Variants in MICAL2 observed in about 807,000 individuals in gnomAD.
MICAL2 encodes microtubule associated monooxygenase, calponin and LIM domain containing 2, also known as [F-actin]-monooxygenase MICAL2.
Under a neutral mutation model 127.3 loss-of-function variants are expected in MICAL2, and 77 were observed. That is an observed-to-expected ratio of 0.60 (90% confidence interval 0.50 to 0.73). MICAL2 has a LOEUF of 0.73. Among genes scored for constraint, MICAL2 ranks in the 30% least tolerant of loss-of-function variants. The pLI, the probability that MICAL2 is intolerant of heterozygous loss-of-function variation, is 0.00. For synonymous variants in MICAL2, 570 were observed against 551.1 expected (o/e 1.03, Z -0.48); for missense variants, 1,351 against 1,434.4 (o/e 0.94, Z 0.94).
chr11:12,318,914 A>G (rs1378277443), intron 29 of MICAL2, among the ~76,000 whole-genome samples: 1 of 152,158 alleles, frequency 6.6e-6, no homozygotes, highest in Non-Finnish European at 1.5e-5. Flanking sequence ...AGAGACTGGC[A>G]TATCTCCTCG....
intron 29 of MICAL2, among the ~76,000 whole-genome samples, chr11:12,299,213 G>C (rs1201053259): frequency 6.6e-6 from 1 of 152,072 alleles, no homozygotes; most frequent in Non-Finnish European, 1.5e-5. Context: ...GTGTTCTTAG[G>C]TCAGTATCCT....
chr11:12,206,789 C>T (rs1318302058), intron 4 of MICAL2, among the ~76,000 whole-genome samples: 1 of 152,126 alleles, frequency 6.6e-6, no homozygotes, highest in African/African-American at 2.4e-5. Context: ...CCATTCCTTC[C>T]TCGTGTCTCA....
chr11:12,325,521 G>C (rs1864344899), intron 31 of MICAL2, among the ~76,000 whole-genome samples: 1 of 152,174 alleles, frequency 6.6e-6, no homozygotes. Flanking sequence ...TCATGTTCTG[G>C]AGCTGAGAAG....
intron 32 of MICAL2, among the ~76,000 whole-genome samples, chr11:12,346,393 A>G (rs1389528662): frequency 3.9e-5 from 6 of 152,230 alleles, no homozygotes; most frequent in Non-Finnish European, 5.9e-5. Flanking sequence ...TAGGAAGTCT[A>G]TGATAATTGC....
At chr11:12,338,998 G>A (rs892714116) in intron 32 of MICAL2, among the ~76,000 whole-genome samples, 1 of 152,068 alleles carries the variant, frequency 6.6e-6, no homozygotes, top group Non-Finnish European at 1.5e-5. Flanking sequence ...CTGAATGTTG[G>A]CCTGCCTTGC....
intron 32 of MICAL2, among the ~76,000 whole-genome samples, chr11:12,334,907 A>G (rs548641595): frequency 6.6e-6 from 1 of 152,248 alleles, no homozygotes; most frequent in South Asian, 2.1e-4. Context: ...GTGCTGCAGT[A>G]AACATACGTG....
chr11:12,168,983 G>A, intron 3 of MICAL2, among the ~76,000 whole-genome samples: 1 of 142,908 alleles, frequency 7.0e-6, no homozygotes, highest in African/African-American at 2.6e-5. Flanking sequence ...AGAAAAGAGA[G>A]AGAAAAAAAA....
At chr11:12,323,350 A>G (rs866195704) in intron 30 of MICAL2, among the ~76,000 whole-genome samples, 46 of 152,310 alleles carry the variant, frequency 3.0e-4, no homozygotes, top group African/African-American at 1.1e-3. Flanking sequence ...TTGGAATGAT[A>G]CATTTCTCCA....
chr11:12,237,900 C>T (rs7939601), intron 16 of MICAL2, among the ~76,000 whole-genome samples: 102,913 of 152,028 alleles, frequency 0.68, 35,602 homozygotes, highest in Middle Eastern at 0.84. Context: ...TATGGCCCAC[C>T]GTCCTGGCTA....
At chr11:12,132,518 T>G (rs1230458616) in intron 1 of MICAL2, among the ~76,000 whole-genome samples, 1 of 152,248 alleles carries the variant, frequency 6.6e-6, no homozygotes, top group Non-Finnish European at 1.5e-5. Flanking sequence ...GGGAAATACC[T>G]GCCTGGATAA....
Position 12,241,044 on chromosome 11 carries a change from G to T in MICAL2, c.2219G>T (p.Arg740Leu), listed in dbSNP as rs376168249. 4 of 1,613,632 alleles carry T rather than the reference G, an allele frequency of 2.5e-6. No homozygotes were observed. Among genetic ancestry groups the T allele is most frequent in the South Asian group, 1.1e-5 (1 of 91,002 alleles). ...TRNPSLMKQE[R>L]RVSGIGKPVL... Reference sequence around the variant, plus strand: ...GACTCGCCTTTCTTCTCCCAGGAACGCCGTGTCTCAGGGATAGGTAAGCCG... The same window carrying T: ...GACTCGCCTTTCTTCTCCCAGGAACTCCGTGTCTCAGGGATAGGTAAGCCG... The change falls in exon 18 of 28, where the codon CGC (arginine) becomes CTC (leucine). Residue 740 changes from arginine (R) to leucine (L), a missense_variant. Coordinates refer to ENST00000683283, the MANE Select transcript of MICAL2 (RefSeq NM_001282663.2).
At chr11:12,332,986 A>G (rs934143085) in intron 32 of MICAL2, among the ~76,000 whole-genome samples, 2 of 152,194 alleles carry the variant, frequency 1.3e-5, no homozygotes, top group East Asian at 3.9e-4. Flanking sequence ...CGCTTGCTGT[A>G]TATTCACCTC....
downstream of MICAL2, among the ~76,000 whole-genome samples, chr11:12,265,488 A>C (rs1334269301): frequency 1.3e-5 from 2 of 152,238 alleles, no homozygotes; most frequent in Admixed American, 1.3e-4. Context: ...GGAAAACATG[A>C]CACAAATCTG....
chr11:12,259,723 G>A, intron 25 of MICAL2, 72 bp from the exon 26 acceptor site: 1 of 1,355,934 alleles, frequency 7.4e-7, no homozygotes, highest in South Asian at 1.4e-5. Flanking sequence ...GTTTGTATTG[G>A]CTGTTGGCTT....
chr11:12,262,299 A>G (rs950224111), intron 26 of MICAL2, 181 bp from the exon 27 acceptor site: 19 of 1,444,074 alleles, frequency 1.3e-5, no homozygotes, highest in African/African-American at 1.4e-5. Context: ...GGTCACAACC[A>G]GAAAGGTTCA....
At chr11:12,201,982 C>T (rs1005280342) in intron 3 of MICAL2, among the ~76,000 whole-genome samples, 1 of 152,118 alleles carries the variant, frequency 6.6e-6, no homozygotes, top group Non-Finnish European at 1.5e-5. Context: ...ATTAGCCAGG[C>T]ATGGTGGCAC....
chr11:12,358,443 C>T (rs893376669), exon 35 of MICAL2: 14 of 1,614,004 alleles, frequency 8.7e-6, no homozygotes, highest in East Asian at 2.2e-5. Context: ...TTGAAAGCTT[C>T]GTATTCTCCA....
intron 3 of MICAL2, among the ~76,000 whole-genome samples, chr11:12,198,675 C>T (rs1294355961): frequency 6.6e-6 from 1 of 152,204 alleles, no homozygotes; most frequent in Non-Finnish European, 1.5e-5. Flanking sequence ...GGTCAGTGTG[C>T]TGGGAGGACT....
chr11:12,168,809 C>T (rs1470058093), intron 3 of MICAL2, among the ~76,000 whole-genome samples: 1 of 151,746 alleles, frequency 6.6e-6, no homozygotes, highest in Non-Finnish European at 1.5e-5. Flanking sequence ...GAGGGTGGTG[C>T]ACCCCACCGT....
Sources: allele counts gnomAD v4.1 joint callset (sites outside exome capture counted in the v4.1 genomes callset), GRCh38; gene constraint gnomAD v4.1.1; transcripts MANE v1.5; gene names NCBI Gene and HGNC (gene_info 2026-07-23, HGNC 2026-07-21).